Variants in RHO observed in about 807,000 individuals in gnomAD.
RHO encodes the protein opsin 2, rod pigment.
RHO carries 21 observed loss-of-function variants against 31.2 expected under a neutral mutation model. The observed-to-expected ratio is 0.67, with a 90% CI of 0.48 to 0.97. The LOEUF is 0.97. Among genes scored for constraint, RHO ranks in the 50% least tolerant of loss-of-function variants. The pLI is 0.00. For missense variants in RHO, 414 were observed against 479.5 expected (o/e 0.86, Z 1.28); for synonymous variants, 211 against 196.6 (o/e 1.07, Z -0.61).
rs1245547481 is a variant in RHO at position 129,535,021 on chromosome 3, A to G, written c.*1303A>G. Reference sequence around the variant, plus strand: ...GAGAATCTGCTCCAAAAAGCTGGCCACATCTCTGAGGTGTCAGAATTAAGC... The same window carrying G: ...GAGAATCTGCTCCAAAAAGCTGGCCGCATCTCTGAGGTGTCAGAATTAAGC... On this transcript the variant is annotated 3_prime_UTR_variant, in exon 5 of 5. Transcript: ENST00000296271. The G allele has an allele frequency of 6.6e-6, 1 of 152,632 alleles. No homozygotes were observed. The highest frequency in any genetic ancestry group is 1.5e-5 in the Non-Finnish European group (1 of 68,040). 9.5% of individuals were successfully genotyped at this position (152,632 alleles called of 1,614,324 possible). A position where few individuals can be genotyped will look rare whatever the true frequency, so the allele number is the denominator to read the frequency against.
chr3:129,533,517 A>G, intron 4 of RHO, 91 bp from the exon 5 acceptor site: 1 of 947,522 alleles, frequency 1.1e-6, no homozygotes, highest in African/African-American at 1.6e-5. Context: ...GGGCAGAAGC[A>G]GGCAAAGGGT....
At position 129,528,898 on chromosome 3, in the gene RHO, C is replaced by A. The variant is rs1312862210; in HGVS notation, c.165C>A (p.Asn55Lys). 1 of 1,614,248 alleles carries A rather than the reference C, an allele frequency of 6.2e-7. No homozygotes were observed. The highest frequency in any genetic ancestry group is 8.5e-7 in the Non-Finnish European group (1 of 1,180,050). The part of the protein sequence containing the change: ...FLLIVLGFPI[N>K]FLTLYVTVQH... ...TGATCGTGCTGGGCTTCCCCATCAACTTCCTCACGCTCTACGTCACCGTCC... is the reference window on the plus strand; with the variant it reads ...TGATCGTGCTGGGCTTCCCCATCAAATTCCTCACGCTCTACGTCACCGTCC... Residue 55 changes from asparagine (N) to lysine (K), a missense_variant, in exon 1 of 5, where the codon AAC (asparagine) becomes AAA (lysine). Asn to Lys is a moderately conservative substitution (Grantham distance 94). Coordinates refer to ENST00000296271, the MANE Select transcript of RHO (RefSeq NM_000539.3).
intron 2 of RHO, among the ~76,000 whole-genome samples, chr3:129,531,758 G>C (rs991048116): frequency 6.6e-6 from 1 of 152,200 alleles, no homozygotes; most frequent in Non-Finnish European, 1.5e-5. Flanking sequence ...CCAATATCAG[G>C]AACCATTGCC....
In RHO at chr3:129,529,366, T is replaced by G. The variant is rs1334877177; in HGVS notation, c.361+272T>G. Among the ~76,000 whole-genome samples the G allele has an allele frequency of 3.3e-5, 5 of 152,334 alleles. No homozygotes were observed. The East Asian group carries it at 9.6e-4, about 29-fold the overall frequency. ...CACAGCAAGAAAACTGAGCTGAGGC[T>G]CAAAGAAGTCAAGCGCCCTGCTGGG... On this transcript the variant is annotated intron_variant, in intron 1 of 4. Coordinates refer to ENST00000296271, the MANE Select transcript of RHO (RefSeq NM_000539.3).
chr3:129,529,697 C>T (rs528662813), intron 1 of RHO, among the ~76,000 whole-genome samples: 27 of 152,290 alleles, frequency 1.8e-4, no homozygotes, highest in East Asian at 3.9e-4. Flanking sequence ...GCCTCCCTGC[C>T]GCGTTCCAAG....
chr3:129,530,927 T>C lies in RHO; in HGVS notation c.413T>C (p.Val138Ala). 1 of 1,614,236 alleles carries C rather than the reference T, an allele frequency of 6.2e-7. No homozygotes were observed. Among genetic ancestry groups the C allele is most frequent in the South Asian group, 1.1e-5 (1 of 91,088 alleles). Residue 138 changes from valine to alanine, a missense_variant, in exon 2 of 5, where the codon GTG (valine) becomes GCG (alanine). Coordinates refer to ENST00000296271, the MANE Select transcript of RHO (RefSeq NM_000539.3). ...GTCCTGGCCATCGAGCGGTACGTGG[T>C]GGTGTGTAAGCCCATGAGCAACTTC... Reference protein sequence around the residue: ...LVVLAIERYVVVCKPMSNFRF... With the variant: ...LVVLAIERYVAVCKPMSNFRF...
intron 1 of RHO, among the ~76,000 whole-genome samples, chr3:129,530,319 T>A (rs1219612108): frequency 6.6e-6 from 1 of 152,106 alleles, no homozygotes; most frequent in Non-Finnish European, 1.5e-5. Context: ...ATCATTTCCT[T>A]CTTCTTCCTC....
At position 129,532,398 on chromosome 3, in the gene RHO, C is replaced by T. The variant is rs746223530; in HGVS notation, c.678C>T (p.Leu226=). The part of the protein sequence containing the change: ...MIIIFFCYGQ[L]VFTVKEAAAQ... ...TCATCTTTTTCTGCTATGGGCAGCT[C>T]GTCTTCACCGTCAAGGAGGTACGGG... is the stretch of plus-strand genomic sequence containing the variant. Residue 226 remains leucine, a synonymous_variant, in exon 3 of 5, where the codon CTC becomes CTT. Transcript: ENST00000296271. The surrounding 1 kb of genome is among the most constrained non-coding windows in gnomAD (Gnocchi z 5.5). 17 of 1,614,004 alleles carry T rather than the reference C, an allele frequency of 1.1e-5. No individual in the cohort carries two copies. Among genetic ancestry groups the T allele is most frequent in the South Asian group, 9.9e-5 (9 of 91,084 alleles).
chr3:129,530,695 C>G (rs1013090672), intron 1 of RHO, among the ~76,000 whole-genome samples, 181 bp from the exon 2 acceptor site: 10 of 152,196 alleles, frequency 6.6e-5, no homozygotes, highest in Non-Finnish European at 1.2e-4. Context: ...CTCTCCTCAG[C>G]GTGTGGTCCC....
chr3:129,533,590 A>G lies in RHO; in HGVS notation c.937-18A>G. 1 of 1,595,758 alleles carries G rather than the reference A, an allele frequency of 6.3e-7. No homozygotes were observed. Among genetic ancestry groups the G allele is most frequent in the Non-Finnish European group, 8.6e-7 (1 of 1,163,328 alleles). ...CTGTGGGCAGCCCTGGCCCTGACTC[A>G]AGCCTCTTGCCTTCCAGTTCCGGAA... On this transcript the variant is annotated intron_variant, in intron 4 of 4. Transcript: ENST00000296271.
In RHO at chr3:129,533,696, C is replaced by T. The variant is rs183318466; in HGVS notation, c.1025C>T (p.Thr342Met). Residue 342 changes from threonine (T) to methionine (M), a missense_variant, in exon 5 of 5, where the codon ACG becomes ATG. By Grantham distance (81) the Thr-to-Met change is moderately conservative (BLOSUM62 -1). Coordinates refer to ENST00000296271, the MANE Select transcript of RHO (RefSeq NM_000539.3). ...TCTGCTACCGTGTCCAAGACGGAGA[C>T]GAGCCAGGTGGCCCCGGCCTAAGAC... is the stretch of plus-strand genomic sequence containing the variant. ...EASATVSKTE[T>M]SQVAPA 1.8e-5 allele frequency: 29 copies of T among 1,613,760 alleles called. No individual in the cohort carries two copies. Among genetic ancestry groups the T allele is most frequent in the African/African-American group, 6.7e-5 (5 of 74,916 alleles).
chr3:129,530,847 G>A, intron 1 of RHO, 29 bp from the exon 2 acceptor site: 1 of 1,614,190 alleles, frequency 6.2e-7, no homozygotes, highest in Non-Finnish European at 8.5e-7. Flanking sequence ...AGTGGGGTCT[G>A]TGCTGACCGC....
chr3:129,531,301 A>G (rs866616372), intron 2 of RHO, among the ~76,000 whole-genome samples: 2 of 152,132 alleles, frequency 1.3e-5, no homozygotes, highest in Non-Finnish European at 2.9e-5. Flanking sequence ...TGTGCCCCTA[A>G]TCCTCAACTA....
intron 2 of RHO, 29 bp downstream of exon 2, chr3:129,531,073 C>T (rs556049666): frequency 1.1e-5 from 17 of 1,608,704 alleles, no homozygotes; most frequent in Admixed American, 3.3e-5. Context: ...AGGGAAGAAG[C>T]TCCGGGGGCT....
At chr3:129,529,116 G>T in intron 1 of RHO, 22 bp downstream of exon 1, 1 of 1,606,534 alleles carries the variant, frequency 6.2e-7, no homozygotes, top group Non-Finnish European at 8.5e-7. Context: ...GTGTGGGTGG[G>T]GTGTGCAGGA....
chr3:129,529,048 C>T lies in RHO; in HGVS notation c.315C>T (p.Phe105=), dbSNP rs778173978. The T allele has an allele frequency of 2.5e-5, 41 of 1,613,242 alleles. No individual in the cohort carries two copies. The East Asian group carries it at 4.5e-4, about 18-fold the overall frequency. ...LYTSLHGYFV[F]GPTGCNLEGF... is the part of the protein sequence containing the mutation. ...CCTCTCTGCATGGATACTTCGTCTT[C>T]GGGCCCACAGGATGCAATTTGGAGG... is the stretch of plus-strand genomic sequence containing the variant. The change falls in exon 1 of 5, where the codon TTC becomes TTT. Residue 105 remains phenylalanine, a synonymous_variant. Transcript: ENST00000296271.
rs142285818 is a variant in RHO, at chr3:129,532,727, C to T, written c.891C>T (p.Ser297=). ...CCATCCCAGCGTTCTTTGCCAAGAG[C>T]GCCGCCATCTACAACCCTGTCATCT... The part of the protein sequence containing the change: ...FMTIPAFFAK[S]AAIYNPVIYI... The change falls in exon 4 of 5, where the codon AGC becomes AGT. Residue 297 remains serine, a synonymous_variant. Coordinates refer to ENST00000296271, the MANE Select transcript of RHO (RefSeq NM_000539.3). The surrounding 1 kb of genome is among the most constrained non-coding windows in gnomAD (Gnocchi z 5.5). 7.0e-4 allele frequency: 1,134 copies of T among 1,614,244 alleles called. 7 individuals are homozygous for T. In the East Asian group the frequency reaches 0.014, roughly 20 times the overall value.
rs371192803 is a variant in RHO, at chr3:129,532,350, C to T, written c.630C>T (p.Val210=). The T allele has an allele frequency of 7.1e-5, 114 of 1,613,970 alleles. No individual in the cohort carries two copies. Among genetic ancestry groups the T allele is most frequent in the Non-Finnish European group, 7.8e-5 (92 of 1,180,034 alleles). The change falls in exon 3 of 5, where the codon GTC becomes GTT. Residue 210 remains valine, a synonymous_variant. Coordinates refer to ENST00000296271, the MANE Select transcript of RHO (RefSeq NM_000539.3). This position sits in a 1 kb window ranked among gnomAD's most constrained non-coding sequence, Gnocchi z 5.5. ...CTTTTGTCATCTACATGTTCGTGGTCCACTTCACCATCCCCATGATTATCA... is the reference window on the plus strand; with the variant it reads ...CTTTTGTCATCTACATGTTCGTGGTTCACTTCACCATCCCCATGATTATCA... ...NESFVIYMFV[V]HFTIPMIIIF... is the part of the protein sequence containing the mutation.
chr3:129,532,108 C>G lies in RHO; in HGVS notation c.531-143C>G. ...TGCATCCCCATCTGATCCATTCCAT[C>G]CTGTCACCCAGCCATGCAGACGTTT... On this transcript the variant is annotated intron_variant, in intron 2 of 4. Coordinates refer to ENST00000296271, the MANE Select transcript of RHO (RefSeq NM_000539.3). This position sits in a 1 kb window ranked among gnomAD's most constrained non-coding sequence, Gnocchi z 5.5. The G allele has an allele frequency of 8.9e-6, 6 of 675,290 alleles. No individual in the cohort carries two copies. The South Asian group carries it at 1.0e-4, about 11-fold the overall frequency. The allele number at this position is 675,290 out of a possible 1,614,324, so 41.8% of individuals were successfully genotyped here.
Sources: allele counts gnomAD v4.1 joint callset (sites outside exome capture counted in the v4.1 genomes callset), GRCh38; gene constraint gnomAD v4.1.1; non-coding constraint Gnocchi (gnomAD v3.1); transcripts MANE v1.5; gene names NCBI Gene and HGNC (gene_info 2026-07-23, HGNC 2026-07-21).